Variants in AMOTL1 observed in about 807,000 individuals in gnomAD.
AMOTL1 encodes the protein angiomotin like 1.
In AMOTL1, 45 loss-of-function variants were observed where a neutral mutation model predicts 102.9. That is an observed-to-expected ratio of 0.44 (90% CI 0.34 to 0.56). AMOTL1 has a LOEUF of 0.56. Among genes scored for constraint, AMOTL1 ranks in the 20% least tolerant of loss-of-function variants. The pLI, the probability that AMOTL1 is intolerant of heterozygous loss-of-function variation, is 0.01. For synonymous variants in AMOTL1, 481 were observed against 484.7 expected (o/e 0.99, Z 0.10); for missense variants, 1,114 against 1,225.6 (o/e 0.91, Z 1.36).
intron 3 of AMOTL1, among the ~76,000 whole-genome samples, chr11:94,811,865 G>A (rs1187064070): frequency 2.6e-5 from 4 of 152,140 alleles, no homozygotes; most frequent in Non-Finnish European, 5.9e-5. Context: ...GCTAATGACT[G>A]CTCTCTACCA....
At chr11:94,858,397 A>C (rs1409692735) in intron 8 of AMOTL1, among the ~76,000 whole-genome samples, 2 of 152,254 alleles carry the variant, frequency 1.3e-5, no homozygotes, top group African/African-American at 4.8e-5. Flanking sequence ...TTTGGTTTAC[A>C]AAAAACCCAT....
At chr11:94,737,523 A>G (rs1950453957) in intron 2 of AMOTL1, among the ~76,000 whole-genome samples, 1 of 152,226 alleles carries the variant, frequency 6.6e-6, no homozygotes, top group African/African-American at 2.4e-5. Flanking sequence ...TATGCTAGGT[A>G]TGATTATTAT....
intron 3 of AMOTL1, among the ~76,000 whole-genome samples, chr11:94,741,622 CAG>C (rs1287705913): frequency 6.6e-6 from 1 of 152,076 alleles, no homozygotes; most frequent in African/African-American, 2.4e-5. Context: ...TGTCAAGAGA[CAG>C]GCTGAAGAGA....
intron 9 of AMOTL1, among the ~76,000 whole-genome samples, chr11:94,863,408 C>T (rs773337167): frequency 5.9e-5 from 9 of 151,960 alleles, no homozygotes; most frequent in Non-Finnish European, 8.8e-5. Context: ...GCCTGACCAA[C>T]GTGGTGAAAC....
intron 2 of AMOTL1, among the ~76,000 whole-genome samples, chr11:94,730,208 T>C (rs1950325673): frequency 6.6e-6 from 1 of 152,152 alleles, no homozygotes; most frequent in Non-Finnish European, 1.5e-5. Flanking sequence ...ATCTGACCTC[T>C]GCCTGCCCCT....
chr11:94,841,211 C>T (rs867498936), intron 6 of AMOTL1, among the ~76,000 whole-genome samples: 46 of 152,232 alleles, frequency 3.0e-4, no homozygotes, highest in African/African-American at 1.1e-3. Context: ...GAGGCTGAGG[C>T]GGGCTGATTA....
At chr11:94,746,611 AATCC>A (rs1386587451) in intron 3 of AMOTL1, among the ~76,000 whole-genome samples, 1 of 152,008 alleles carries the variant, frequency 6.6e-6, no homozygotes, top group Non-Finnish European at 1.5e-5. Context: ...CTTCAACCCT[AATCC>A]CATGTGTCAT....
intron 3 of AMOTL1, among the ~76,000 whole-genome samples, chr11:94,817,057 A>C (rs1951778213): frequency 6.6e-6 from 1 of 152,230 alleles, no homozygotes; most frequent in African/African-American, 2.4e-5. Flanking sequence ...AAAGATTATA[A>C]AAAGATTTAT....
chr11:94,717,306 A>T (rs923434871), intron 1 of AMOTL1, among the ~76,000 whole-genome samples: 8 of 150,090 alleles, frequency 5.3e-5, no homozygotes, highest in African/African-American at 1.7e-4. Flanking sequence ...AAAAATGGGA[A>T]GAGACAAACA....
chr11:94,751,178 G>A (rs1230334106), intron 3 of AMOTL1, among the ~76,000 whole-genome samples: 6 of 152,082 alleles, frequency 3.9e-5, no homozygotes, highest in Non-Finnish European at 7.4e-5. Context: ...TATTCAGTAC[G>A]TATTTCTTGA....
chr11:94,849,688 C>T (rs572936022), intron 6 of AMOTL1, among the ~76,000 whole-genome samples: 1 of 152,078 alleles, frequency 6.6e-6, no homozygotes, highest in East Asian at 1.9e-4. Flanking sequence ...CCTCTCTGGA[C>T]CTTGGTTTAT....
At chr11:94,722,752 G>A (rs1950193807) in intron 1 of AMOTL1, among the ~76,000 whole-genome samples, 1 of 152,160 alleles carries the variant, frequency 6.6e-6, no homozygotes, top group African/African-American at 2.4e-5. Context: ...TTGCTGAAAT[G>A]GTAACAGTAC....
At chr11:94,843,018 G>C (rs1290145536) in intron 6 of AMOTL1, among the ~76,000 whole-genome samples, 1 of 152,184 alleles carries the variant, frequency 6.6e-6, no homozygotes, top group Admixed American at 6.6e-5. Flanking sequence ...TGCAGCCTAT[G>C]TATCCAGCTG....
intron 1 of AMOTL1, among the ~76,000 whole-genome samples, chr11:94,789,230 C>G (rs991532074): frequency 6.6e-6 from 1 of 152,204 alleles, no homozygotes; most frequent in Admixed American, 6.5e-5. Flanking sequence ...GCAGTCTTGG[C>G]TCACTGCAAC....
intron 3 of AMOTL1, among the ~76,000 whole-genome samples, chr11:94,747,235 G>A (rs1379361463): frequency 6.6e-6 from 1 of 152,216 alleles, no homozygotes; most frequent in East Asian, 1.9e-4. Context: ...AAGCAAACTG[G>A]TTCCTTGTTT....
intron 4 of AMOTL1, among the ~76,000 whole-genome samples, chr11:94,822,579 G>T (rs1951886037): frequency 1.3e-5 from 2 of 152,206 alleles, no homozygotes; most frequent in Non-Finnish European, 2.9e-5. Flanking sequence ...ACATGAGAGG[G>T]TCAAGAGTAC....
At chr11:94,842,251 C>T (rs981532064) in intron 6 of AMOTL1, among the ~76,000 whole-genome samples, 5 of 152,096 alleles carry the variant, frequency 3.3e-5, no homozygotes, top group Non-Finnish European at 7.3e-5. Flanking sequence ...TAGAGTCCTA[C>T]GAAGATAGAA....
intron 3 of AMOTL1, among the ~76,000 whole-genome samples, chr11:94,742,481 G>A (rs1257891894): frequency 6.6e-6 from 1 of 152,220 alleles, no homozygotes; most frequent in African/African-American, 2.4e-5. Context: ...AATGATTTGT[G>A]CTTCAGGAAG....
chr11:94,868,238 C>G (rs1447503880), intron 11 of AMOTL1, among the ~76,000 whole-genome samples: 1 of 152,178 alleles, frequency 6.6e-6, no homozygotes, highest in African/African-American at 2.4e-5. Flanking sequence ...ACAGCTCTGG[C>G]GAGGATACTT....
Sources: allele counts gnomAD v4.1 joint callset (sites outside exome capture counted in the v4.1 genomes callset), GRCh38; gene constraint gnomAD v4.1.1; transcripts MANE v1.5; gene names NCBI Gene and HGNC (gene_info 2026-07-23, HGNC 2026-07-21).